Variants in SGCD observed in about 807,000 individuals in gnomAD.
SGCD encodes the protein sarcoglycan delta, also known as delta-sarcoglycan.
SGCD carries 18 observed loss-of-function variants against 36.6 expected under a neutral mutation model. The observed-to-expected ratio is 0.49, with a 90% CI of 0.34 to 0.73. The LOEUF is 0.73. SGCD is among the 30% of genes least tolerant of loss of function. The pLI is 0.01. For synonymous variants in SGCD, 133 were observed against 130.6 expected (o/e 1.02, Z -0.12); for missense variants, 387 against 346.7 (o/e 1.12, Z -0.92).
chr5:156,563,334 C>A (rs751909175), intron 4 of SGCD, among the ~76,000 whole-genome samples: 17 of 152,046 alleles, frequency 1.1e-4, no homozygotes, highest in Non-Finnish European at 2.4e-4. Flanking sequence ...TACCCATCAC[C>A]CTCATGAGAT....
chr5:156,289,736 C>T (rs574958240), intron 3 of SGCD, among the ~76,000 whole-genome samples: 11 of 152,016 alleles, frequency 7.2e-5, no homozygotes, highest in African/African-American at 2.7e-4. Context: ...TCAGGCTAGT[C>T]GCTAACCCCT....
At chr5:155,771,948 C>T in the SGCD span, among the ~76,000 whole-genome samples, 6 of 152,238 alleles carry the variant, frequency 3.9e-5, no homozygotes, top group South Asian at 2.1e-4. Context: ...GCTGCTTATT[C>T]GATTTTTAAG....
Position 155,885,696 on chromosome 5 carries a change from A to C in SGCD, c.-282+15272A>C, listed in dbSNP as rs80142765. Among the ~76,000 whole-genome samples the C allele has an allele frequency of 3.4e-4, 52 of 152,360 alleles. 2 individuals are homozygous for C. In the East Asian group the frequency reaches 9.3e-3, roughly 27 times the overall value. ...AATTCAGCTTTCTATGTTACTTTCA[A>C]AAAAGAAAACATCAAATGATGATTA... On this transcript the variant is annotated intron_variant, in intron 1 of 9. Transcript: ENST00000517913.
chr5:156,277,322 G>A (rs1215760887), intron 3 of SGCD, among the ~76,000 whole-genome samples: 1 of 152,136 alleles, frequency 6.6e-6, no homozygotes, highest in Non-Finnish European at 1.5e-5. Context: ...GCTGGCTGCA[G>A]TGCAGGCAAC....
intron 3 of SGCD, among the ~76,000 whole-genome samples, chr5:156,156,556 G>A (rs963514968): frequency 2.0e-5 from 3 of 151,484 alleles, no homozygotes; most frequent in African/African-American, 4.9e-5. Context: ...CTAGGGAGAC[G>A]GAGGTTGTAG....
At chr5:156,074,563 C>T (rs969875548) in intron 1 of SGCD, among the ~76,000 whole-genome samples, 6 of 151,988 alleles carry the variant, frequency 3.9e-5, no homozygotes, top group Non-Finnish European at 5.9e-5. Flanking sequence ...GCCTGTAGTC[C>T]GAGCTACTTG....
chr5:155,961,437 A>G (rs942909365), intron 1 of SGCD, among the ~76,000 whole-genome samples: 20 of 152,150 alleles, frequency 1.3e-4, no homozygotes, highest in African/African-American at 4.8e-4. Context: ...TAAATGTCTC[A>G]TGAAAATGAA....
chr5:156,119,104 G>A (rs1163285962), intron 2 of SGCD, among the ~76,000 whole-genome samples: 1 of 152,104 alleles, frequency 6.6e-6, no homozygotes, highest in Non-Finnish European at 1.5e-5. Flanking sequence ...CCAACTCTAG[G>A]CCTTCTGAGG....
At chr5:156,205,602 T>A (rs983273647) in intron 3 of SGCD, among the ~76,000 whole-genome samples, 1 of 152,110 alleles carries the variant, frequency 6.6e-6, no homozygotes, top group Admixed American at 6.6e-5. Flanking sequence ...TTCCAGCCAA[T>A]GTACAGAATG....
At chr5:156,706,744 G>A (rs1754760020) in intron 7 of SGCD, among the ~76,000 whole-genome samples, 1 of 152,094 alleles carries the variant, frequency 6.6e-6, no homozygotes, top group Admixed American at 6.6e-5. Flanking sequence ...TGGAAATAGG[G>A]ACTAAGGCCC....
At chr5:156,253,483 T>G (rs935200583) in intron 3 of SGCD, among the ~76,000 whole-genome samples, 29 of 152,200 alleles carry the variant, frequency 1.9e-4, no homozygotes, top group Admixed American at 3.9e-4. Context: ...CTAAGAATTA[T>G]TCACAAAAAA....
the SGCD span, among the ~76,000 whole-genome samples, chr5:155,792,780 G>C: frequency 3.3e-5 from 5 of 152,300 alleles, no homozygotes; most frequent in South Asian, 1.0e-3. Flanking sequence ...GTGGAGAAAA[G>C]GGAATGCTTA....
Position 156,055,433 on chromosome 5 carries a change from C to G in SGCD, c.-281-62445C>G, listed in dbSNP as rs1288632014. ...TCTGTATCCTCTTCCAGTTAATGCT[C>G]CAGACACCCCACTGAAAGCAGGGAC... On this transcript the variant is annotated intron_variant, in intron 1 of 9. Coordinates refer to the SGCD transcript ENST00000517913. Among the ~76,000 whole-genome samples, 2 of 145,828 alleles carry G rather than the reference C, an allele frequency of 1.4e-5. 1 individual carries two copies. The highest frequency in any genetic ancestry group is 3.1e-5 in the Non-Finnish European group (2 of 64,808).
At chr5:155,783,839 C>T in the SGCD span, among the ~76,000 whole-genome samples, 3 of 152,048 alleles carry the variant, frequency 2.0e-5, no homozygotes, top group Non-Finnish European at 4.4e-5. Flanking sequence ...GTGGTAGTAA[C>T]AAAGCTACAG....
chr5:156,075,927 G>C (rs1389700587), intron 1 of SGCD, among the ~76,000 whole-genome samples: 3 of 152,116 alleles, frequency 2.0e-5, no homozygotes, highest in African/African-American at 7.2e-5. Context: ...GCTGTTTTAG[G>C]CTTTGGGGCT....
intron 3 of SGCD, among the ~76,000 whole-genome samples, chr5:156,192,701 C>T (rs564685842): frequency 1.2e-3 from 177 of 151,712 alleles, no homozygotes; most frequent in Admixed American, 2.1e-3. Context: ...TTGATTATTA[C>T]ACATTCTATG....
At chr5:156,402,717 G>A (rs1772217999) in intron 3 of SGCD, among the ~76,000 whole-genome samples, 1 of 152,104 alleles carries the variant, frequency 6.6e-6, no homozygotes, top group African/African-American at 2.4e-5. Context: ...TAATCAAAGG[G>A]TCAGTCTGAA....
the SGCD span, among the ~76,000 whole-genome samples, chr5:155,801,379 C>T: frequency 6.6e-6 from 1 of 152,168 alleles, no homozygotes; most frequent in East Asian, 1.9e-4. Flanking sequence ...CTGTTTAGAG[C>T]TCAGGGAGAC....
At chr5:156,275,403 G>A (rs1035396577) in intron 3 of SGCD, among the ~76,000 whole-genome samples, 8 of 152,172 alleles carry the variant, frequency 5.3e-5, no homozygotes, top group Admixed American at 1.3e-4. Context: ...CATAAAATAT[G>A]TATGTAACTT....
Sources: gnomAD v4.1 joint callset for allele counts (sites outside exome capture counted in the v4.1 genomes callset) on GRCh38, gnomAD v4.1.1 for gene constraint, MANE v1.5 for transcripts, NCBI Gene and HGNC (gene_info 2026-07-23, HGNC 2026-07-21) for gene names.